SYT7: variants seen among roughly 807,000 people sequenced by gnomAD.
SYT7 encodes synaptotagmin 7.
A neutral mutation model predicts 75.1 loss-of-function variants in SYT7; 29 were observed. The observed-to-expected ratio is 0.39, with a 90% CI of 0.29 to 0.53. The LOEUF (loss-of-function observed/expected upper bound fraction) is 0.53. Among genes scored for constraint, SYT7 ranks in the 20% least tolerant of loss-of-function variants. SYT7 has a pLI of 0.77. For synonymous variants in SYT7, 376 were observed against 401.7 expected (o/e 0.94, Z 0.76); for missense variants, 693 against 953.2 (o/e 0.73, Z 3.59).
At chr11:61,530,568 C>T (rs567649568) in intron 8 of SYT7, among the ~76,000 whole-genome samples, 20 of 152,234 alleles carry the variant, frequency 1.3e-4, no homozygotes, top group Admixed American at 1.2e-3. Flanking sequence ...GCAGAGGGAT[C>T]GAGCACCTGG....
At chr11:61,562,209 G>A (rs991355041) in intron 1 of SYT7, among the ~76,000 whole-genome samples, 5 of 152,146 alleles carry the variant, frequency 3.3e-5, no homozygotes, top group Admixed American at 2.6e-4. Context: ...TGCCCAGTGG[G>A]AATTAATTTC....
At chr11:61,583,429 G>A (rs1008231417), upstream of SYT7, among the ~76,000 whole-genome samples, 23 of 152,160 alleles carry the variant, frequency 1.5e-4, no homozygotes, top group African/African-American at 2.2e-4. Context: ...TGACAGAGAG[G>A]ACATCTGAGA....
intron 7 of SYT7, chr11:61,533,349 C>T: frequency 2.0e-6 from 2 of 985,438 alleles, no homozygotes; most frequent in Non-Finnish European, 2.4e-6. Flanking sequence ...TGTGGCTTAA[C>T]TACTCCTATA....
At chr11:61,583,225 CA>C (rs1253126945), upstream of SYT7, among the ~76,000 whole-genome samples, 91 of 143,436 alleles carry the variant, frequency 6.3e-4, no homozygotes, top group Non-Finnish European at 7.1e-4. Flanking sequence ...AGCCCGGTCT[CA>C]AAAAAAAAAA....
In SYT7 at chr11:61,524,156, G is replaced by A. The variant is rs1257133213; in HGVS notation, c.1641+207C>T. 6.6e-6 allele frequency among the ~76,000 whole-genome samples: 1 copy of A among 152,132 alleles called. No homozygotes were observed. The highest frequency in any genetic ancestry group is 2.4e-5 in the African/African-American group (1 of 41,402). The stretch of plus-strand genomic sequence containing the variant: ...CCCTGTTCCCTGAACATAGCCCTAG[G>A]TTCCTTCTTACAGATCGGGTGAGTC... On this transcript the variant is annotated intron_variant, in intron 10 of 12. Coordinates refer to ENST00000539008, the MANE Select transcript of SYT7 (RefSeq NM_001365809.2). This position sits in a 1 kb window ranked among gnomAD's most constrained non-coding sequence, Gnocchi z 4.1.
intron 1 of SYT7, among the ~76,000 whole-genome samples, chr11:61,576,000 C>T (rs1243891615): frequency 6.6e-6 from 1 of 152,202 alleles, no homozygotes; most frequent in Non-Finnish European, 1.5e-5. Flanking sequence ...CATTCTATCC[C>T]AAGGGGTCCT....
upstream of SYT7, among the ~76,000 whole-genome samples, chr11:61,581,458 C>T (rs1384796870): frequency 2.0e-5 from 3 of 152,228 alleles, no homozygotes; most frequent in Non-Finnish European, 4.4e-5. Flanking sequence ...TCCGAGGTGC[C>T]CTTTGGCTCC....
At chr11:61,554,974 C>T (rs190696546) in intron 2 of SYT7, among the ~76,000 whole-genome samples, 4 of 152,312 alleles carry the variant, frequency 2.6e-5, no homozygotes, top group African/African-American at 9.6e-5. Flanking sequence ...TTGAAGGAGG[C>T]ATGTTGGGTT....
At chr11:61,572,869 G>T (rs532578872) in intron 1 of SYT7, among the ~76,000 whole-genome samples, 1 of 152,288 alleles carries the variant, frequency 6.6e-6, no homozygotes, top group African/African-American at 2.4e-5. Context: ...AACACAGATG[G>T]TCCCCACCTC....
chr11:61,522,206 TTTCAGGC>T (rs1417924564), intron 12 of SYT7, among the ~76,000 whole-genome samples: 2 of 151,424 alleles, frequency 1.3e-5, no homozygotes, highest in African/African-American at 4.9e-5. Context: ...TTTTTTTTTT[TTTCAGGC>T]AGAGTTTTCT....
In SYT7 at chr11:61,546,522, G is replaced by A. The variant is rs1478109550; in HGVS notation, c.348-267C>T. 7.3e-6 allele frequency: 3 copies of A among 408,918 alleles called. No individual in the cohort carries two copies. Among genetic ancestry groups the A allele is most frequent in the South Asian group, 1.9e-5 (1 of 53,158 alleles). The allele number at this position is 408,918 out of a possible 1,614,324, so 25.3% of individuals were successfully genotyped here. On this transcript the variant is annotated intron_variant, in intron 4 of 12. Transcript: ENST00000539008. This position sits in a 1 kb window ranked among gnomAD's most constrained non-coding sequence, Gnocchi z 7.6. ...GGGGGACCGGGCGGGCTGGGGGTCG[G>A]AGAACAACGCACCACGACAACGGAG...
In SYT7 at chr11:61,542,378, C is replaced by T. The variant is rs1041201808; in HGVS notation, c.774G>A (p.Ser258=). The T allele has an allele frequency of 7.2e-6, 11 of 1,530,806 alleles. No individual in the cohort carries two copies. Among genetic ancestry groups the T allele is most frequent in the Non-Finnish European group, 9.6e-6 (11 of 1,144,630 alleles). The allele number at this position is 1,530,806 out of a possible 1,614,324, so 94.8% of individuals were successfully genotyped here. ...AGGCCCGGGGGTTGGGGCCTGGTGC[C>T]GAGGCCATGTGGGCCTGCAGCTGGC... The part of the protein sequence containing the change: ...SLGQLQAHMA[S]APGPNPRAYG... The change falls in exon 6 of 13, where the codon TCG becomes TCA. Residue 258 remains serine (S), a synonymous_variant. Coordinates refer to ENST00000539008, the MANE Select transcript of SYT7 (RefSeq NM_001365809.2). The surrounding 1 kb of genome is among the most constrained non-coding windows in gnomAD (Gnocchi z 7.8).
At chr11:61,531,300 G>A (rs1252636918) in intron 8 of SYT7, among the ~76,000 whole-genome samples, 3 of 152,346 alleles carry the variant, frequency 2.0e-5, no homozygotes, top group Middle Eastern at 3.4e-3. Context: ...CCTTCCCTGG[G>A]GGCAGCAAGG....
intron 7 of SYT7, among the ~76,000 whole-genome samples, chr11:61,535,026 G>C (rs76314321): frequency 5.5e-4 from 84 of 152,316 alleles, no homozygotes; most frequent in African/African-American, 2.0e-3. Context: ...TGCAGCGTCG[G>C]CACAGCTGCC....
At chr11:61,558,238 C>T (rs1330043994) in intron 1 of SYT7, among the ~76,000 whole-genome samples, 1 of 152,162 alleles carries the variant, frequency 6.6e-6, no homozygotes, top group African/African-American at 2.4e-5. Context: ...AGGCAGATCA[C>T]TTAAGGTCAG....
chr11:61,574,678 G>A (rs1412079808), intron 1 of SYT7, among the ~76,000 whole-genome samples: 2 of 151,824 alleles, frequency 1.3e-5, no homozygotes, highest in African/African-American at 2.4e-5. Flanking sequence ...GTATCTGGAC[G>A]CGGGGCACTT....
chr11:61,586,373 T>C, the SYT7 span, among the ~76,000 whole-genome samples: 1 of 152,228 alleles, frequency 6.6e-6, no homozygotes, highest in African/African-American at 2.4e-5. Flanking sequence ...CTGGGACCCC[T>C]GAGACTGACT....
rs533740176 is a variant in SYT7 at position 61,516,850 on chromosome 11, G to T, written c.*1777C>A. 6.4e-4 allele frequency: 110 copies of T among 170,898 alleles called. No individual in the cohort carries two copies. Among genetic ancestry groups the T allele is most frequent in the African/African-American group, 2.4e-3 (102 of 42,400 alleles). The allele number at this position is 170,898 out of a possible 1,614,324, so 10.6% of individuals were successfully genotyped here. On this transcript the variant is annotated 3_prime_UTR_variant, in exon 13 of 13. Coordinates refer to ENST00000539008, the MANE Select transcript of SYT7 (RefSeq NM_001365809.2). This position sits in a 1 kb window ranked among gnomAD's most constrained non-coding sequence, Gnocchi z 4.6. ...CCTCCAGATCCCAGGGAGAGGAAAT[G>T]GTGGGGGTGTGCGATTTAATTTCAG... is the stretch of plus-strand genomic sequence containing the variant.
intron 3 of SYT7, among the ~76,000 whole-genome samples, chr11:61,548,083 C>A (rs2063243741): frequency 6.6e-6 from 1 of 152,232 alleles, no homozygotes; most frequent in Non-Finnish European, 1.5e-5. Flanking sequence ...TGGAGACCAT[C>A]TCTACTCCTT....
Sources: gnomAD v4.1 joint callset for allele counts (sites outside exome capture counted in the v4.1 genomes callset) on GRCh38, gnomAD v4.1.1 for gene constraint, Gnocchi (gnomAD v3.1) non-coding constraint, MANE v1.5 for transcripts, NCBI Gene and HGNC (gene_info 2026-07-23, HGNC 2026-07-21) for gene names.